Variants in IP6K1 observed in about 807,000 individuals in gnomAD.
IP6K1 encodes inositol hexakisphosphate kinase 1.
Under a neutral mutation model 38.3 loss-of-function variants are expected in IP6K1, and 13 were observed. The observed-to-expected ratio is 0.34, with a 90% CI of 0.22 to 0.54. IP6K1 has a LOEUF of 0.54. Ranked by LOEUF, IP6K1 falls within the 20% of genes least tolerant of loss-of-function variation. The pLI, the probability that IP6K1 is intolerant of heterozygous loss-of-function variation, is 0.92. For synonymous variants in IP6K1, 212 were observed against 229.9 expected, an observed-to-expected ratio of 0.92 and a Z score of 0.70; for missense variants, 397 against 599.8, an observed-to-expected ratio of 0.66 and a Z score of 3.53.
At chr3:49,761,470 C>T (rs549500724) in intron 1 of IP6K1, among the ~76,000 whole-genome samples, 3 of 151,060 alleles carry the variant, frequency 2.0e-5, no homozygotes, top group African/African-American at 4.9e-5. Context: ...AAAAATTAGC[C>T]GGGCGCAATG....
chr3:49,750,723 T>G (rs943087770), intron 1 of IP6K1, among the ~76,000 whole-genome samples: 1 of 151,444 alleles, frequency 6.6e-6, no homozygotes, highest in East Asian at 1.9e-4. Flanking sequence ...AAAATTGAAA[T>G]AGCCCTTCCC....
chr3:49,754,396 G>C (rs1000074637), intron 1 of IP6K1, among the ~76,000 whole-genome samples: 1 of 151,340 alleles, frequency 6.6e-6, no homozygotes, highest in Non-Finnish European at 1.5e-5. Flanking sequence ...AAAAAAAGAT[G>C]AATCAGGCCA....
Position 49,748,208 on chromosome 3 carries a change from G to C in IP6K1, c.-128-40C>G. On this transcript the variant is annotated intron_variant, in intron 1 of 5. Coordinates refer to ENST00000321599, the MANE Select transcript of IP6K1 (RefSeq NM_153273.4). ...AGAGGAAGAAGGAATCAAAACACTG[G>C]GTGAGTCACAATTTCCCTGGAGCTC... The C allele has an allele frequency of 7.3e-6, 5 of 685,474 alleles. No individual in the cohort carries two copies. The South Asian group carries it at 9.2e-5, about 13-fold the overall frequency. 42.5% of individuals were successfully genotyped at this position (685,474 alleles called of 1,614,324 possible).
rs768653218 is a variant in IP6K1 at position 49,747,912 on chromosome 3, G to A, written c.129C>T (p.Asp43=). The A allele has an allele frequency of 3.7e-6, 6 of 1,614,066 alleles. No homozygotes were observed. Among genetic ancestry groups the A allele is most frequent in the Admixed American group, 1.7e-5 (1 of 59,998 alleles). The stretch of plus-strand genomic sequence containing the variant: ...TGAGGGGCTTGCACACAGTGTGATC[G>A]TCGTAACGCATCATGCTGCTGTGTC... ...VGGHSSMMRY[D]DHTVCKPLIS... is the part of the protein sequence containing the mutation. Residue 43 remains aspartate, a synonymous_variant, in exon 2 of 6, where the codon GAC becomes GAT. Transcript: ENST00000321599.
intron 1 of IP6K1, among the ~76,000 whole-genome samples, chr3:49,766,944 G>A (rs1407115098): frequency 9.7e-6 from 1 of 103,436 alleles, no homozygotes; most frequent in African/African-American, 4.0e-5. Context: ...GGTGACAAGA[G>A]CAAGACTCCG....
intron 1 of IP6K1, among the ~76,000 whole-genome samples, chr3:49,780,403 A>T (rs911277137): frequency 2.0e-5 from 3 of 150,176 alleles, no homozygotes; most frequent in South Asian, 4.2e-4. Flanking sequence ...GAGAAATGAA[A>T]ACCTATATTT....
chr3:49,750,472 A>G (rs1375746398), intron 1 of IP6K1, among the ~76,000 whole-genome samples: 1 of 152,130 alleles, frequency 6.6e-6, no homozygotes, highest in Non-Finnish European at 1.5e-5. Flanking sequence ...AGGCGGACGG[A>G]TCACCTGAGG....
intron 1 of IP6K1, among the ~76,000 whole-genome samples, chr3:49,770,644 C>A (rs2080949393): frequency 6.6e-6 from 1 of 151,440 alleles, no homozygotes; most frequent in Admixed American, 6.6e-5. Context: ...GACCCTGTCT[C>A]AAAAAAAATA....
intron 2 of IP6K1, among the ~76,000 whole-genome samples, chr3:49,744,437 A>T (rs868564173): frequency 2.1e-4 from 31 of 148,498 alleles, no homozygotes; most frequent in Admixed American, 1.4e-4. Flanking sequence ...AAGAAATTAG[A>T]ATTCTATAAG....
In IP6K1 at chr3:49,778,017, C is replaced by CT. The variant is rs904594984; in HGVS notation, c.-129+8336dup. Among the ~76,000 whole-genome samples, 106 of 146,736 alleles carry CT rather than the reference C, an allele frequency of 7.2e-4. 1 individual carries two copies. The Middle Eastern group carries it at 0.011, about 15-fold the overall frequency. ...GGGATTTTCTTTAACAGTGAAATGA[C>CT]TTTTTTTTTTTAAGACGGGGTCTCT... On this transcript the variant is annotated intron_variant, in intron 1 of 5. Transcript: ENST00000321599.
intron 1 of IP6K1, among the ~76,000 whole-genome samples, chr3:49,752,510 C>G (rs1048860840): frequency 4.7e-5 from 7 of 149,634 alleles, no homozygotes; most frequent in Non-Finnish European, 8.9e-5. Context: ...ACCCAAGGAA[C>G]CATTTCACTT....
chr3:49,759,683 A>C lies in IP6K1; in HGVS notation c.-128-11515T>G, dbSNP rs1420834269. ...TAGAGTCTTAGACTAGGTGGACAAA[A>C]CAACAACAACAACAACAAAAAACGA... On this transcript the variant is annotated intron_variant, in intron 1 of 5. Coordinates refer to ENST00000321599, the MANE Select transcript of IP6K1 (RefSeq NM_153273.4). 2.0e-5 allele frequency among the ~76,000 whole-genome samples: 3 copies of C among 152,036 alleles called. No homozygotes were observed. The East Asian group carries it at 5.8e-4, about 29-fold the overall frequency.
At position 49,769,175 on chromosome 3, in the gene IP6K1, T is replaced by G. The variant is rs867828710; in HGVS notation, c.-129+17179A>C. On this transcript the variant is annotated intron_variant, in intron 1 of 5. Coordinates refer to ENST00000321599, the MANE Select transcript of IP6K1 (RefSeq NM_153273.4). ...CATGGATTAGAAGGCTCAATATAGT[T>G]AAGATGTCAATTCTCCCCAAATGAA... is the stretch of plus-strand genomic sequence containing the variant. Among the ~76,000 whole-genome samples the G allele has an allele frequency of 2.0e-5, 3 of 152,302 alleles. 1 individual carries two copies. The South Asian group carries it at 6.2e-4, about 32-fold the overall frequency.
chr3:49,751,387 C>A (rs1428628326), intron 1 of IP6K1, among the ~76,000 whole-genome samples: 1 of 152,056 alleles, frequency 6.6e-6, no homozygotes, highest in Non-Finnish European at 1.5e-5. Flanking sequence ...GTCTCAATCT[C>A]TTGACCTCAT....
At chr3:49,738,067 G>A (rs2080630131) in intron 3 of IP6K1, 145 bp downstream of exon 3, 3 of 661,240 alleles carry the variant, frequency 4.5e-6, no homozygotes, top group Admixed American at 4.6e-5. Flanking sequence ...GTGACACAGA[G>A]AAGAGGCTAC....
At chr3:49,770,229 A>G (rs958492218) in intron 1 of IP6K1, among the ~76,000 whole-genome samples, 2 of 152,186 alleles carry the variant, frequency 1.3e-5, no homozygotes, top group Admixed American at 6.6e-5. Context: ...TTGCTGTTTT[A>G]AACTGCTAAG....
rs543836086 is a variant in IP6K1, at chr3:49,781,574, C to G, written c.-129+4780G>C. Among the ~76,000 whole-genome samples the G allele has an allele frequency of 1.1e-4, 17 of 152,274 alleles. No individual in the cohort carries two copies. The East Asian group carries it at 3.3e-3, about 29-fold the overall frequency. On this transcript the variant is annotated intron_variant, in intron 1 of 5. Coordinates refer to ENST00000321599, the MANE Select transcript of IP6K1 (RefSeq NM_153273.4). ...TCCACAGGCCATAGGTCACTGGATT[C>G]AGCCATGAGAGGATTTGTGCAGAGA...
chr3:49,777,874 C>A (rs918508143), intron 1 of IP6K1, among the ~76,000 whole-genome samples: 1 of 151,444 alleles, frequency 6.6e-6, no homozygotes, highest in African/African-American at 2.4e-5. Flanking sequence ...GAGATCGCGC[C>A]ACGCACTCCA....
intron 1 of IP6K1, among the ~76,000 whole-genome samples, chr3:49,761,447 T>G (rs760085697): frequency 6.7e-4 from 101 of 151,708 alleles, no homozygotes; most frequent in African/African-American, 1.8e-3. Context: ...ACCCCATCTC[T>G]ACTAAAAATA....
Sources: allele counts gnomAD v4.1 joint callset (sites outside exome capture counted in the v4.1 genomes callset), GRCh38; gene constraint gnomAD v4.1.1; transcripts MANE v1.5; gene names NCBI Gene and HGNC (gene_info 2026-07-23, HGNC 2026-07-21).